RFX3: variants seen among roughly 807,000 people sequenced by gnomAD.
RFX3 encodes the protein regulatory factor X3.
In RFX3, 14 loss-of-function variants were observed where a neutral mutation model predicts 98.6. The observed-to-expected ratio is 0.14, with a 90% CI of 0.09 to 0.22. RFX3 has a LOEUF of 0.22. Among genes scored for constraint, RFX3 ranks in the 10% least tolerant of loss-of-function variants. RFX3 has a pLI of 1.00. For synonymous variants in RFX3, 383 were observed against 328.4 expected, an observed-to-expected ratio of 1.17 and a Z score of -1.80; for missense variants, 639 against 926.9, an observed-to-expected ratio of 0.69 and a Z score of 4.03.
In RFX3 at chr9:3,396,968, A is replaced by T. The variant is rs552952421; in HGVS notation, c.-8-1372T>A. ...AGAATCAAGTTAACTAATTTTGTGTATGGTATAATATGGTACTAAAATCAA... is the reference window on the plus strand; with the variant it reads ...AGAATCAAGTTAACTAATTTTGTGTTTGGTATAATATGGTACTAAAATCAA... On this transcript the variant is annotated intron_variant, in intron 1 of 16. Coordinates refer to ENST00000617270, the MANE Select transcript of RFX3 (RefSeq NM_001282116.2). 2.0e-5 allele frequency among the ~76,000 whole-genome samples: 3 copies of T among 152,336 alleles called. No individual in the cohort carries two copies. The South Asian group carries it at 6.2e-4, about 32-fold the overall frequency.
intron 1 of RFX3, among the ~76,000 whole-genome samples, chr9:3,414,932 G>C (rs1842823756): frequency 7.6e-6 from 1 of 132,236 alleles, no homozygotes; most frequent in Non-Finnish European, 1.6e-5. Flanking sequence ...TCATATGTGT[G>C]TATATATATA....
chr9:3,243,077 T>C lies in RFX3; in HGVS notation c.1968+4955A>G, dbSNP rs113813098. Among the ~76,000 whole-genome samples, 1,498 of 152,086 alleles carry C rather than the reference T, an allele frequency of 9.8e-3. 17 individuals carry two copies. Among genetic ancestry groups the C allele is most frequent in the African/African-American group, 0.034 (1,425 of 41,552 alleles). On this transcript the variant is annotated intron_variant, in intron 15 of 16. Transcript: ENST00000617270. ...AAAGCAGAAAGATTCTAAACAGCCA[T>C]AACATTTGAATAAAAGGACATTTTT...
intron 2 of RFX3, among the ~76,000 whole-genome samples, chr9:3,362,870 G>A (rs1163885220): frequency 2.0e-5 from 3 of 152,230 alleles, no homozygotes; most frequent in African/African-American, 7.2e-5. Flanking sequence ...TCAAAGGCGA[G>A]AGGGGGAGTG....
chr9:3,340,014 T>C (rs567043163), intron 3 of RFX3, among the ~76,000 whole-genome samples: 28 of 152,244 alleles, frequency 1.8e-4, no homozygotes, highest in Middle Eastern at 6.8e-3. Context: ...ACTACAAGGC[T>C]ACAGTAACCA....
intron 12 of RFX3, among the ~76,000 whole-genome samples, chr9:3,264,299 A>G (rs762058463): frequency 1.3e-5 from 2 of 152,172 alleles, no homozygotes; most frequent in African/African-American, 2.4e-5. Context: ...TTAAAAATAT[A>G]TTTTAAAAAT....
At chr9:3,497,915 A>C (rs1851228446) in intron 1 of RFX3, among the ~76,000 whole-genome samples, 1 of 151,946 alleles carries the variant, frequency 6.6e-6, no homozygotes, top group Admixed American at 6.6e-5. Flanking sequence ...TCTGCTCTTT[A>C]CTGTAATTGC....
intron 2 of RFX3, among the ~76,000 whole-genome samples, chr9:3,374,776 A>G (rs1171877354): frequency 6.6e-6 from 1 of 152,114 alleles, no homozygotes; most frequent in East Asian, 1.9e-4. Flanking sequence ...GTTGCACAAC[A>G]ATGTGAATGT....
intron 4 of RFX3, among the ~76,000 whole-genome samples, chr9:3,327,912 C>A (rs1369057833): frequency 6.6e-6 from 1 of 151,894 alleles, no homozygotes; most frequent in Non-Finnish European, 1.5e-5. Flanking sequence ...GAAGAAGAAT[C>A]CTCAAACTAT....
Position 3,398,914 on chromosome 9 carries a change from T to TAAAAAAAAAAA in RFX3, c.-8-3329_-8-3319dup, listed in dbSNP as rs71324247. 1.1e-3 allele frequency among the ~76,000 whole-genome samples: 77 copies of TAAAAAAAAAAA among 67,472 alleles called. 2 individuals are homozygous for TAAAAAAAAAAA. Among genetic ancestry groups the TAAAAAAAAAAA allele is most frequent in the East Asian group, 2.4e-3 (5 of 2,078 alleles). 44.3% of individuals were successfully genotyped at this position (67,472 alleles called of 152,430 possible). ...ATGTACCCTAAAACTTAGAGTATAA[T>TAAAAAAAAAAA]AAAAAAAAAAAAAAAAAAAAAAAAA... On this transcript the variant is annotated intron_variant, in intron 1 of 16. Transcript: ENST00000617270.
chr9:3,343,083 G>A (rs550793203), intron 3 of RFX3, among the ~76,000 whole-genome samples: 46 of 152,214 alleles, frequency 3.0e-4, no homozygotes, highest in African/African-American at 1.1e-3. Flanking sequence ...AGGGAGAATC[G>A]GGTAAACATT....
At chr9:3,299,153 A>AT (rs1191543960) in intron 5 of RFX3, among the ~76,000 whole-genome samples, 1 of 151,692 alleles carries the variant, frequency 6.6e-6, no homozygotes, top group East Asian at 1.9e-4. Context: ...ATTAACAACA[A>AT]TTTTTTTAAA....
chr9:3,250,914 T>C (rs1821312999), intron 14 of RFX3, among the ~76,000 whole-genome samples: 1 of 152,166 alleles, frequency 6.6e-6, no homozygotes, highest in Non-Finnish European at 1.5e-5. Context: ...AATACTTTAT[T>C]AGCATTGAGA....
intron 1 of RFX3, among the ~76,000 whole-genome samples, chr9:3,502,307 C>G (rs1354098654): frequency 6.6e-6 from 1 of 151,800 alleles, no homozygotes; most frequent in African/African-American, 2.4e-5. Flanking sequence ...TACCATTCAC[C>G]TTTATATATC....
chr9:3,245,468 G>A (rs575628548), intron 15 of RFX3, among the ~76,000 whole-genome samples: 1 of 152,268 alleles, frequency 6.6e-6, no homozygotes, highest in South Asian at 2.1e-4. Context: ...AGTCACTGAA[G>A]GGTTTCAAGT....
At chr9:3,240,181 A>G (rs1049427397) in intron 15 of RFX3, among the ~76,000 whole-genome samples, 1 of 152,212 alleles carries the variant, frequency 6.6e-6, no homozygotes, top group Non-Finnish European at 1.5e-5. Context: ...TCAGCCTTCC[A>G]AGTTGTTATC....
At chr9:3,238,078 T>C (rs1819414340) in intron 15 of RFX3, among the ~76,000 whole-genome samples, 1 of 152,212 alleles carries the variant, frequency 6.6e-6, no homozygotes, top group African/African-American at 2.4e-5. Flanking sequence ...ACTGAATTTG[T>C]TCGTGTTTGC....
chr9:3,504,839 AAT>A (rs1191373313), intron 1 of RFX3, among the ~76,000 whole-genome samples: 7 of 35,048 alleles, frequency 2.0e-4, no homozygotes, highest in South Asian at 5.1e-4. Flanking sequence ...ATATGTATAA[AAT>A]ATATATATTA....
intron 1 of RFX3, among the ~76,000 whole-genome samples, chr9:3,502,912 T>C (rs1378195754): frequency 2.0e-5 from 3 of 152,188 alleles, no homozygotes; most frequent in Non-Finnish European, 1.5e-5. Context: ...AGGAGAGTGA[T>C]GGATACATGG....
In RFX3 at chr9:3,374,029, G is replaced by C. The variant is rs557958296; in HGVS notation, c.117+21443C>G. Among the ~76,000 whole-genome samples the C allele has an allele frequency of 2.0e-5, 3 of 152,100 alleles. No individual in the cohort carries two copies. In the East Asian group the frequency reaches 5.8e-4, roughly 29 times the overall value. ...AGAGGCAGAGGTTGCAGTGAGTCGAGATGGCACCACTACACTCCAGCCTGG... is the reference window on the plus strand; with the variant it reads ...AGAGGCAGAGGTTGCAGTGAGTCGACATGGCACCACTACACTCCAGCCTGG... On this transcript the variant is annotated intron_variant, in intron 2 of 16. Transcript: ENST00000617270.
Sources: gnomAD v4.1 joint callset for allele counts (sites outside exome capture counted in the v4.1 genomes callset) on GRCh38, gnomAD v4.1.1 for gene constraint, MANE v1.5 for transcripts, NCBI Gene and HGNC (gene_info 2026-07-23, HGNC 2026-07-21) for gene names.